PDE4A: variants seen among roughly 807,000 people sequenced by gnomAD.
PDE4A encodes phosphodiesterase 4A, also known as 3',5'-cyclic-AMP phosphodiesterase 4A.
Under a neutral mutation model 73.9 loss-of-function variants are expected in PDE4A, and 21 were observed. The observed-to-expected ratio is 0.28, with a 90% confidence interval of 0.20 to 0.41. The LOEUF is 0.41. PDE4A is among the 10% of genes least tolerant of loss of function. The pLI is 1.00. For synonymous variants in PDE4A, 463 were observed against 505.4 expected (o/e 0.92, Z 1.13); for missense variants, 958 against 1,211.4 (o/e 0.79, Z 3.10).
chr19:10,439,519 A>G (rs2042909296), intron 1 of PDE4A, among the ~76,000 whole-genome samples: 1 of 152,144 alleles, frequency 6.6e-6, no homozygotes, highest in South Asian at 2.1e-4. Flanking sequence ...TGGTTCTCTC[A>G]ACAGCAGGTA....
intron 13 of PDE4A, among the ~76,000 whole-genome samples, chr19:10,462,913 G>C (rs536029452): frequency 3.9e-5 from 6 of 152,162 alleles, no homozygotes; most frequent in South Asian, 4.1e-4. Context: ...AAGCCTGAAA[G>C]CTGGGTGTGG....
chr19:10,454,939 A>C lies in PDE4A; in HGVS notation c.877+17A>C, dbSNP rs376440101. The C allele has an allele frequency of 5.8e-5, 94 of 1,613,008 alleles. No individual in the cohort carries two copies. Among genetic ancestry groups the C allele is most frequent in the Non-Finnish European group, 8.0e-5 (94 of 1,179,262 alleles). ...CATTCCTGGGTGAGTGAGGGGAAGCACGTGGGATTGGAGGGGGGACATTTG... is the reference window on the plus strand; with the variant it reads ...CATTCCTGGGTGAGTGAGGGGAAGCCCGTGGGATTGGAGGGGGGACATTTG... On this transcript the variant is annotated intron_variant, in intron 7 of 14. Transcript: ENST00000380702.
At chr19:10,416,871 C>T, upstream of PDE4A, 2 of 1,534,138 alleles carry the variant, frequency 1.3e-6, no homozygotes, top group Non-Finnish European at 1.7e-6. Context: ...ATGCGTTTGG[C>T]TTGGTCTTGT....
At chr19:10,439,862 G>A (rs2042913012) in intron 1 of PDE4A, among the ~76,000 whole-genome samples, 1 of 152,044 alleles carries the variant, frequency 6.6e-6, no homozygotes, top group African/African-American at 2.4e-5. Context: ...GGTGGCTCAG[G>A]ACACAGCTGT....
chr19:10,466,801 A>G, intron 14 of PDE4A, 86 bp from the exon 15 acceptor site: 1 of 1,527,728 alleles, frequency 6.5e-7, no homozygotes, highest in Non-Finnish European at 8.7e-7. Flanking sequence ...GCCCATAAGC[A>G]TGTTTTTCAT....
intron 1 of PDE4A, among the ~76,000 whole-genome samples, chr19:10,442,196 A>C (rs1460278748): frequency 3.9e-5 from 6 of 152,088 alleles, no homozygotes; most frequent in Non-Finnish European, 8.8e-5. Context: ...GAGAGTCACC[A>C]TAAGACTTTA....
At position 10,453,463 on chromosome 19, in the gene PDE4A, G is replaced by C; in HGVS notation, c.784-1366G>C. 8.6e-7 allele frequency: 1 copy of C among 1,163,470 alleles called. No homozygotes were observed. Among genetic ancestry groups the C allele is most frequent in the Non-Finnish European group, 1.2e-6 (1 of 855,794 alleles). The allele number at this position is 1,163,470 out of a possible 1,614,324, so 72.1% of individuals were successfully genotyped here. A position where few individuals can be genotyped will look rare whatever the true frequency, so the allele number is the denominator to read the frequency against. ...TGACTGTCTCTGTGTGTGGCCCAGG[G>C]CTGGGCGTGGATGGCGGGCAGCTGG... On this transcript the variant is annotated intron_variant, in intron 6 of 14. Transcript: ENST00000380702. The surrounding 1 kb of genome is among the most constrained non-coding windows in gnomAD (Gnocchi z 4.6).
chr19:10,466,686 G>T (rs2043378709), intron 14 of PDE4A: 1 of 260,216 alleles, frequency 3.8e-6, no homozygotes, highest in Non-Finnish European at 6.0e-6. Flanking sequence ...TAGAGATGCG[G>T]TTTCACCATG....
At chr19:10,446,085 C>G in intron 1 of PDE4A, 133 bp from the exon 2 acceptor site, 1 of 1,356,468 alleles carries the variant, frequency 7.4e-7, no homozygotes, top group East Asian at 2.6e-5. Context: ...TGATTCACCC[C>G]CACTTGGCCT....
intron 1 of PDE4A, chr19:10,428,993 T>C (rs2042752688): frequency 1.9e-6 from 1 of 530,472 alleles, no homozygotes; most frequent in South Asian, 8.2e-5. Context: ...TAATCCCAGC[T>C]ACTTGGGAGG....
intron 2 of PDE4A, among the ~76,000 whole-genome samples, chr19:10,447,619 T>G (rs1208379368): frequency 6.6e-6 from 1 of 152,014 alleles, no homozygotes. Flanking sequence ...TCCTCCCACC[T>G]CAGCCTCCCA....
intron 1 of PDE4A, chr19:10,432,594 G>A (rs1433080117): frequency 1.3e-6 from 2 of 1,507,158 alleles, no homozygotes; most frequent in Admixed American, 2.2e-5. Flanking sequence ...TGGCCAGTCA[G>A]TCCTCTCTTT....
intron 7 of PDE4A, chr19:10,457,647 C>A: frequency 3.7e-6 from 1 of 269,600 alleles, no homozygotes; most frequent in Non-Finnish European, 5.7e-6. Flanking sequence ...ATCTGATGAT[C>A]AGACCGGGGC....
At chr19:10,417,049 C>T, upstream of PDE4A, 1 of 1,523,320 alleles carries the variant, frequency 6.6e-7, no homozygotes, top group Non-Finnish European at 8.8e-7. Context: ...GAGACTAGCG[C>T]CCTCTAGTGA....
In PDE4A at chr19:10,449,091, C is replaced by G; in HGVS notation, c.561C>G (p.Ser187Arg). ...GCTCCCCATCCCAGGTGCTGGCCAGCCTCCGGAGCGTCCGTAGCAACTTCT... is the reference window on the plus strand; with the variant it reads ...GCTCCCCATCCCAGGTGCTGGCCAGGCTCCGGAGCGTCCGTAGCAACTTCT... ...IVTPFAQVLASLRSVRSNFSL... is the reference protein window; with the variant it reads ...IVTPFAQVLARLRSVRSNFSL... The change falls in exon 4 of 15, where the codon AGC becomes AGG. Residue 187 changes from serine to arginine, a missense_variant. Ser to Arg is a moderately radical substitution (Grantham distance 110). Coordinates refer to ENST00000380702, the MANE Select transcript of PDE4A (RefSeq NM_001111307.2). 6.2e-7 allele frequency: 1 copy of G among 1,613,664 alleles called. No individual in the cohort carries two copies. The highest frequency in any genetic ancestry group is 8.5e-7 in the Non-Finnish European group (1 of 1,179,804).
chr19:10,432,817 C>A (rs2042813760), intron 1 of PDE4A, among the ~76,000 whole-genome samples: 1 of 152,190 alleles, frequency 6.6e-6, no homozygotes, highest in African/African-American at 2.4e-5. Flanking sequence ...CCGTCACCCT[C>A]TTTGTGTCCT....
chr19:10,456,436 G>T (rs1315810880), intron 7 of PDE4A, among the ~76,000 whole-genome samples: 4 of 152,022 alleles, frequency 2.6e-5, no homozygotes, highest in African/African-American at 4.8e-5. Flanking sequence ...TGAGGCAGGA[G>T]AATTGCTTCA....
chr19:10,425,141 T>C (rs1452076535), intron 1 of PDE4A, among the ~76,000 whole-genome samples: 1 of 151,902 alleles, frequency 6.6e-6, no homozygotes, highest in African/African-American at 2.4e-5. Flanking sequence ...GGAGAATCGC[T>C]TGAACCCGGG....
chr19:10,416,900 C>T, upstream of PDE4A: 1 of 1,535,812 alleles, frequency 6.5e-7, no homozygotes, highest in Admixed American at 2.0e-5. Flanking sequence ...CTGGCCCTGC[C>T]GACATGGCCA....
Sources: gnomAD v4.1 joint callset for allele counts (sites outside exome capture counted in the v4.1 genomes callset) on GRCh38, gnomAD v4.1.1 for gene constraint, Gnocchi (gnomAD v3.1) non-coding constraint, MANE v1.5 for transcripts, NCBI Gene and HGNC (gene_info 2026-07-23, HGNC 2026-07-21) for gene names.